Variants in CNTN5 observed in about 807,000 individuals in gnomAD.
The protein encoded by CNTN5 is contactin 5.
A neutral mutation model predicts 129.1 loss-of-function variants in CNTN5; 77 were observed. That is an observed-to-expected ratio of 0.60 (90% CI 0.50 to 0.72). The LOEUF is 0.72. Among genes scored for constraint, CNTN5 ranks in the 30% least tolerant of loss-of-function variants. The pLI is 0.00. For missense variants in CNTN5, 1,478 were observed against 1,328.8 expected, an observed-to-expected ratio of 1.11 and a Z score of -1.75; for synonymous variants, 509 against 465.6, an observed-to-expected ratio of 1.09 and a Z score of -1.20.
At chr11:99,720,350 T>C (rs765973796) in intron 3 of CNTN5, among the ~76,000 whole-genome samples, 1 of 152,172 alleles carries the variant, frequency 6.6e-6, no homozygotes, top group Non-Finnish European at 1.5e-5. Flanking sequence ...CAAAGTTGGC[T>C]CAACATATTT....
At chr11:100,289,162 C>G (rs1181486738) in intron 18 of CNTN5, among the ~76,000 whole-genome samples, 1 of 151,308 alleles carries the variant, frequency 6.6e-6, no homozygotes. Flanking sequence ...GGATTCACAG[C>G]CGAATTCTAC....
chr11:100,168,037 A>G (rs557599796), intron 13 of CNTN5, among the ~76,000 whole-genome samples: 206 of 152,046 alleles, frequency 1.4e-3, no homozygotes, highest in African/African-American at 4.8e-3. Context: ...CCTACTCTAG[A>G]GCAGAGCCTT....
chr11:99,462,653 C>T (rs1232581294), intron 2 of CNTN5, among the ~76,000 whole-genome samples: 2 of 152,098 alleles, frequency 1.3e-5, no homozygotes, highest in Non-Finnish European at 2.9e-5. Context: ...CAAAAGAGTC[C>T]GGTAGTACTG....
At chr11:99,787,906 A>C (rs10893895) in intron 3 of CNTN5, among the ~76,000 whole-genome samples, 1 of 151,728 alleles carries the variant, frequency 6.6e-6, no homozygotes, top group East Asian at 1.9e-4. Flanking sequence ...TCTGATTCCA[A>C]TCACTGTTTA....
chr11:99,815,242 A>T (rs555393766), intron 3 of CNTN5, among the ~76,000 whole-genome samples: 9 of 152,320 alleles, frequency 5.9e-5, no homozygotes, highest in Admixed American at 5.9e-4. Context: ...AGATTTCTGC[A>T]TTTGTTAATT....
chr11:99,134,653 T>C (rs916602290), intron 1 of CNTN5, among the ~76,000 whole-genome samples: 1 of 152,096 alleles, frequency 6.6e-6, no homozygotes, highest in African/African-American at 2.4e-5. Flanking sequence ...CTACTAGAAA[T>C]TGATTGTAAT....
intron 1 of CNTN5, among the ~76,000 whole-genome samples, chr11:99,039,706 T>G (rs1863912747): frequency 6.6e-6 from 1 of 152,254 alleles, no homozygotes; most frequent in South Asian, 2.1e-4. Flanking sequence ...TGAATGTGTG[T>G]GTGTACTTGC....
intron 2 of CNTN5, among the ~76,000 whole-genome samples, chr11:99,412,699 C>T (rs1274928280): frequency 6.6e-6 from 1 of 152,164 alleles, no homozygotes; most frequent in Non-Finnish European, 1.5e-5. Flanking sequence ...GTCGCCATGC[C>T]ACACTCATTG....
chr11:99,819,128 G>T (rs1256439659), intron 3 of CNTN5, among the ~76,000 whole-genome samples: 1 of 151,598 alleles, frequency 6.6e-6, no homozygotes, highest in African/African-American at 2.4e-5. Context: ...ATGTGAATGG[G>T]TATTGTAATA....
chr11:100,356,046 TA>T (rs1176943808), intron 24 of CNTN5, 70 bp from the exon 25 acceptor site: 3 of 1,022,684 alleles, frequency 2.9e-6, no homozygotes, highest in Non-Finnish European at 4.5e-6. Context: ...TCTTACATAC[TA>T]AAAACAATTC....
chr11:100,051,053 GT>G (rs1942926279), intron 9 of CNTN5, among the ~76,000 whole-genome samples: 2 of 152,034 alleles, frequency 1.3e-5, no homozygotes, highest in Non-Finnish European at 2.9e-5. Flanking sequence ...CAGAAAATCA[GT>G]AAATAACCTT....
intron 4 of CNTN5, among the ~76,000 whole-genome samples, chr11:99,826,362 T>C (rs1214849738): frequency 6.6e-6 from 1 of 152,206 alleles, no homozygotes; most frequent in African/African-American, 2.4e-5. Context: ...CAAGAAGCTA[T>C]ATCTGCCTTC....
chr11:99,772,341 A>G (rs984073519), intron 3 of CNTN5, among the ~76,000 whole-genome samples: 47 of 151,990 alleles, frequency 3.1e-4, no homozygotes, highest in African/African-American at 1.1e-3. Context: ...AGGTGGCGTT[A>G]TTTGTTTTAC....
intron 3 of CNTN5, among the ~76,000 whole-genome samples, chr11:99,711,177 A>G (rs1478770930): frequency 1.3e-5 from 2 of 151,932 alleles, no homozygotes; most frequent in East Asian, 1.9e-4. Flanking sequence ...TCACCCTTTA[A>G]TAAACTTTTG....
intron 13 of CNTN5, among the ~76,000 whole-genome samples, chr11:100,183,296 A>G (rs73562437): frequency 0.022 from 3,419 of 152,272 alleles, 120 homozygotes; most frequent in African/African-American, 0.077. Flanking sequence ...ACTTGTGCAC[A>G]AATGTTCATG....
At chr11:99,225,332 C>T (rs1034789236) in intron 1 of CNTN5, among the ~76,000 whole-genome samples, 2 of 152,026 alleles carry the variant, frequency 1.3e-5, no homozygotes, top group African/African-American at 2.4e-5. Context: ...GCATGGTTAC[C>T]GCTGGAAAGG....
At chr11:99,449,354 A>G (rs1189091380) in intron 2 of CNTN5, among the ~76,000 whole-genome samples, 3 of 152,194 alleles carry the variant, frequency 2.0e-5, no homozygotes. Flanking sequence ...CTTCCTCTGC[A>G]ATCTGTTTCC....
At chr11:99,465,174 C>A in intron 2 of CNTN5, among the ~76,000 whole-genome samples, 1 of 152,148 alleles carries the variant, frequency 6.6e-6, no homozygotes, top group East Asian at 1.9e-4. Context: ...ATGTGTGGGT[C>A]AGGTTGGAAA....
chr11:99,234,596 A>T (rs1248427222), intron 1 of CNTN5, among the ~76,000 whole-genome samples: 2 of 152,162 alleles, frequency 1.3e-5, no homozygotes, highest in Non-Finnish European at 2.9e-5. Flanking sequence ...TCACTCTTGA[A>T]TTACCTTAGA....
Sources: gnomAD v4.1 joint callset for allele counts (sites outside exome capture counted in the v4.1 genomes callset) on GRCh38, gnomAD v4.1.1 for gene constraint, MANE v1.5 for transcripts, NCBI Gene and HGNC (gene_info 2026-07-23, HGNC 2026-07-21) for gene names.